NXPE2: variants seen among roughly 807,000 people sequenced by gnomAD.
NXPE2 encodes the protein neurexophilin and PC-esterase domain family member 2.
NXPE2 carries 34 observed loss-of-function variants against 34.4 expected under a neutral mutation model. The observed-to-expected ratio is 0.99, with a 90% CI of 0.75 to 1.31. NXPE2 has a LOEUF of 1.31. NXPE2 is among the 40% of genes most tolerant of loss of function. The pLI is 0.00. For missense variants in NXPE2, 649 were observed against 672.5 expected, an observed-to-expected ratio of 0.97 and a Z score of 0.39; for synonymous variants, 235 against 231.3, an observed-to-expected ratio of 1.02 and a Z score of -0.15.
At chr11:114,490,953 G>T in the NXPE2 span, among the ~76,000 whole-genome samples, 1 of 151,294 alleles carries the variant, frequency 6.6e-6, no homozygotes, top group Non-Finnish European at 1.5e-5. Context: ...ATGAGGTCAG[G>T]AGATCGAGAC....
At chr11:114,594,008 T>TACTACTGGTAGTACTACTCTGGTAGTA in the NXPE2 span, among the ~76,000 whole-genome samples, 2 of 152,078 alleles carry the variant, frequency 1.3e-5, no homozygotes, top group Non-Finnish European at 2.9e-5. Flanking sequence ...AGTAGAATGA[T>TACTACTGGTAGTACTACTCTGGTAGTA]GGCTACCAGA....
chr11:114,544,326 G>A, the NXPE2 span, among the ~76,000 whole-genome samples: 1 of 152,108 alleles, frequency 6.6e-6, no homozygotes, highest in South Asian at 2.1e-4. Flanking sequence ...CCACTTCAAG[G>A]CTTATTACAA....
the NXPE2 span, among the ~76,000 whole-genome samples, chr11:114,633,195 T>C: frequency 7.7e-5 from 10 of 129,754 alleles, no homozygotes; most frequent in South Asian, 1.6e-3. Context: ...TATTTTATTA[T>C]GTATAAACAT....
the NXPE2 span, among the ~76,000 whole-genome samples, chr11:114,550,219 G>A: frequency 6.6e-6 from 1 of 152,144 alleles, no homozygotes; most frequent in Non-Finnish European, 1.5e-5. Context: ...CAGTTAGAAA[G>A]TTCACTTGAA....
At chr11:114,599,523 A>G in the NXPE2 span, among the ~76,000 whole-genome samples, 1 of 152,164 alleles carries the variant, frequency 6.6e-6, no homozygotes, top group Non-Finnish European at 1.5e-5. Flanking sequence ...TCACGCTGCT[A>G]TAAAAATATT....
At chr11:114,558,326 G>A in the NXPE2 span, among the ~76,000 whole-genome samples, 1 of 152,050 alleles carries the variant, frequency 6.6e-6, no homozygotes, top group East Asian at 1.9e-4. Flanking sequence ...TTTTAATAGT[G>A]CTTTTATATA....
chr11:114,638,292 C>G, the NXPE2 span, among the ~76,000 whole-genome samples: 2 of 151,980 alleles, frequency 1.3e-5, no homozygotes, highest in African/African-American at 4.8e-5. Flanking sequence ...ATGTAGTTCT[C>G]GAGCCTTGGT....
At chr11:114,577,070 TAA>T in the NXPE2 span, among the ~76,000 whole-genome samples, 1 of 118,534 alleles carries the variant, frequency 8.4e-6, no homozygotes, top group Non-Finnish European at 1.7e-5. Flanking sequence ...TATATATATA[TAA>T]AGTTATATAT....
At chr11:114,638,501 C>CT in the NXPE2 span, among the ~76,000 whole-genome samples, 6 of 152,042 alleles carry the variant, frequency 3.9e-5, no homozygotes, top group Admixed American at 2.0e-4. Context: ...TGTTCCATTG[C>CT]TGGTGAGGAA....
At chr11:114,639,091 A>C in the NXPE2 span, among the ~76,000 whole-genome samples, 1 of 152,044 alleles carries the variant, frequency 6.6e-6, no homozygotes, top group East Asian at 1.9e-4. Flanking sequence ...AGAGGCAGGC[A>C]GCCCTCCTTG....
the NXPE2 span, among the ~76,000 whole-genome samples, chr11:114,556,160 C>T: frequency 1.3e-5 from 2 of 152,128 alleles, no homozygotes; most frequent in African/African-American, 4.8e-5. Context: ...TTGAGTTTTC[C>T]AATTCATGAA....
the NXPE2 span, among the ~76,000 whole-genome samples, chr11:114,794,520 T>A: frequency 6.6e-6 from 1 of 152,130 alleles, no homozygotes; most frequent in Non-Finnish European, 1.5e-5. Flanking sequence ...GACTATCTTA[T>A]CTTTATTGCA....
upstream of NXPE2, among the ~76,000 whole-genome samples, chr11:114,675,567 A>G (rs1950849299): frequency 6.6e-6 from 1 of 151,922 alleles, no homozygotes; most frequent in Non-Finnish European, 1.5e-5. Context: ...AGCATAAAAA[A>G]AACCCTTAGG....
chr11:114,520,408 C>T, the NXPE2 span, among the ~76,000 whole-genome samples: 1 of 152,164 alleles, frequency 6.6e-6, no homozygotes. Flanking sequence ...AGCGTAACGT[C>T]CTCCAGGTTC....
chr11:114,695,879 G>A (rs965404706), intron 2 of NXPE2, among the ~76,000 whole-genome samples: 21 of 112,076 alleles, frequency 1.9e-4, no homozygotes, highest in Non-Finnish European at 3.6e-4. Flanking sequence ...TTAGCTGGGT[G>A]TGGTGGGGCG....
the NXPE2 span, among the ~76,000 whole-genome samples, chr11:114,799,219 G>A: frequency 6.8e-6 from 1 of 147,930 alleles, no homozygotes; most frequent in African/African-American, 2.5e-5. Flanking sequence ...TTTTATTTGG[G>A]TATTTGTGAT....
the NXPE2 span, among the ~76,000 whole-genome samples, chr11:114,516,781 CT>C: frequency 6.6e-6 from 1 of 152,080 alleles, no homozygotes. Flanking sequence ...GCTTTCCCAC[CT>C]TTTTCCTCTG....
At chr11:114,782,229 C>T in the NXPE2 span, among the ~76,000 whole-genome samples, 1 of 152,122 alleles carries the variant, frequency 6.6e-6, no homozygotes, top group Non-Finnish European at 1.5e-5. Context: ...CCATGGATAC[C>T]AAACCCACAG....
rs898893818 is a variant in NXPE2 at position 114,706,542 on chromosome 11, T to A, written c.1292T>A (p.Ile431Asn). 1 of 1,551,836 alleles carries A rather than the reference T, an allele frequency of 6.4e-7. No homozygotes were observed. Among genetic ancestry groups the A allele is most frequent in the Non-Finnish European group, 8.7e-7 (1 of 1,147,004 alleles). The change falls in exon 6 of 6, where the codon ATC (isoleucine) becomes AAC (asparagine). Residue 431 changes from isoleucine (I) to asparagine (N), a missense_variant. Coordinates refer to ENST00000389586, the MANE Select transcript of NXPE2 (RefSeq NM_182495.6). ...TTCTCAGTGAAAGATGAAAACTATATCCCACGGGAAATTGACCAGGTAGCA... is the reference window on the plus strand; with the variant it reads ...TTCTCAGTGAAAGATGAAAACTATAACCCACGGGAAATTGACCAGGTAGCA... ...KLFSVKDENY[I>N]PREIDQVAGD... is the part of the protein sequence containing the mutation.
Sources: gnomAD v4.1 joint callset for allele counts (sites outside exome capture counted in the v4.1 genomes callset) on GRCh38, gnomAD v4.1.1 for gene constraint, MANE v1.5 for transcripts, NCBI Gene and HGNC (gene_info 2026-07-23, HGNC 2026-07-21) for gene names.